The following DSCAML1 variants were observed in gnomAD, a reference collection of about 807,000 sequenced individuals.
DSCAML1 encodes the protein cell adhesion molecule DSCAML1.
DSCAML1 carries 38 observed loss-of-function variants against 200.5 expected under a neutral mutation model. That is an observed-to-expected ratio of 0.19 (90% CI 0.15 to 0.25). DSCAML1 has a LOEUF of 0.25. DSCAML1 is among the 10% of genes least tolerant of loss of function. The pLI, the probability that DSCAML1 is intolerant of heterozygous loss-of-function variation, is 1.00. For missense variants in DSCAML1, 2,223 were observed against 2,858.8 expected (o/e 0.78, Z 5.07); for synonymous variants, 1,215 against 1,165.0 (o/e 1.04, Z -0.87).
intron 3 of DSCAML1, among the ~76,000 whole-genome samples, chr11:117,576,351 G>A (rs1471019134): frequency 4.6e-5 from 7 of 152,158 alleles, no homozygotes; most frequent in African/African-American, 1.4e-4. Flanking sequence ...CACAGGGCAC[G>A]AGGACCAATC....
chr11:117,523,468 C>T (rs1026331910), intron 5 of DSCAML1, among the ~76,000 whole-genome samples: 7 of 152,178 alleles, frequency 4.6e-5, no homozygotes, highest in South Asian at 2.1e-4. Context: ...GGGCTTTCAG[C>T]GTTTTAACCT....
At chr11:117,796,268 G>A (rs1565290250) in intron 1 of DSCAML1, among the ~76,000 whole-genome samples, 1 of 152,220 alleles carries the variant, frequency 6.6e-6, no homozygotes, top group Non-Finnish European at 1.5e-5. Context: ...AGAGGGACAC[G>A]CCCCCCAGCC....
intron 3 of DSCAML1, among the ~76,000 whole-genome samples, chr11:117,717,577 C>T (rs1330737979): frequency 6.6e-6 from 1 of 152,196 alleles, no homozygotes; most frequent in East Asian, 1.9e-4. Flanking sequence ...CTGTACTGGG[C>T]GTGGGACAGG....
intron 1 of DSCAML1, among the ~76,000 whole-genome samples, chr11:117,796,342 G>A (rs1195072944): frequency 2.6e-5 from 4 of 152,350 alleles, no homozygotes; most frequent in African/African-American, 7.2e-5. Flanking sequence ...ATCTTGGGGC[G>A]CGCTGCCCGA....
intron 11 of DSCAML1, among the ~76,000 whole-genome samples, chr11:117,484,886 A>AGTGT (rs55850829): frequency 0.018 from 2,099 of 119,122 alleles, 20 homozygotes; most frequent in Non-Finnish European, 0.02. Context: ...GCAGAGGAAC[A>AGTGT]GTGTGTGTGT....
At chr11:117,757,426 G>A (rs140004383) in intron 3 of DSCAML1, among the ~76,000 whole-genome samples, 1 of 152,110 alleles carries the variant, frequency 6.6e-6, no homozygotes, top group East Asian at 1.9e-4. Flanking sequence ...ATATCCCAAA[G>A]ACCCTGCATT....
At chr11:117,607,581 CCA>C (rs925849891) in intron 3 of DSCAML1, among the ~76,000 whole-genome samples, 1 of 152,188 alleles carries the variant, frequency 6.6e-6, no homozygotes, top group African/African-American at 2.4e-5. Context: ...CACCCAGAGA[CCA>C]GTAGCCAGTC....
intron 3 of DSCAML1, among the ~76,000 whole-genome samples, chr11:117,724,862 A>C (rs1404682654): frequency 6.6e-6 from 1 of 152,160 alleles, no homozygotes; most frequent in African/African-American, 2.4e-5. Context: ...ACCATCATCC[A>C]CTACTCCACA....
At chr11:117,587,686 G>A (rs1370569366) in intron 3 of DSCAML1, among the ~76,000 whole-genome samples, 1 of 152,172 alleles carries the variant, frequency 6.6e-6, no homozygotes. Flanking sequence ...GTTACCCTCT[G>A]CGAGTGGAAA....
At chr11:117,714,011 G>A (rs1348845205) in intron 3 of DSCAML1, among the ~76,000 whole-genome samples, 1 of 152,352 alleles carries the variant, frequency 6.6e-6, no homozygotes, top group East Asian at 1.9e-4. Flanking sequence ...CCAAATACTG[G>A]CTTTGTGTGT....
chr11:117,817,218 T>C (rs907444354), intron 1 of DSCAML1, among the ~76,000 whole-genome samples: 6 of 152,180 alleles, frequency 3.9e-5, no homozygotes, highest in African/African-American at 1.4e-4. Context: ...TGCAACCCCA[T>C]TGCCCAAGGC....
chr11:117,471,749 CT>C lies in DSCAML1; in HGVS notation c.2953+119del. ...GTGGACACAAACATCTGTTAGGATG[CT>C]TTTCCCCACGCCACCCCCTTTAACT... On this transcript the variant is annotated intron_variant, in intron 15 of 32. Coordinates refer to ENST00000651296, the MANE Select transcript of DSCAML1 (RefSeq NM_020693.4). The C allele has an allele frequency of 5.4e-6, 6 of 1,119,724 alleles. No individual in the cohort carries two copies. The South Asian group carries it at 5.5e-5, about 10-fold the overall frequency. The allele number at this position is 1,119,724 out of a possible 1,614,324, so 69.4% of individuals were successfully genotyped here.
chr11:117,690,827 G>A (rs2053481190), intron 3 of DSCAML1, among the ~76,000 whole-genome samples: 1 of 152,240 alleles, frequency 6.6e-6, no homozygotes, highest in African/African-American at 2.4e-5. Flanking sequence ...ACCCTGGGAA[G>A]AAAGAGGGTG....
chr11:117,790,794 CA>C, intron 1 of DSCAML1, among the ~76,000 whole-genome samples: 1 of 152,236 alleles, frequency 6.6e-6, no homozygotes, highest in East Asian at 1.9e-4. Context: ...AACCATTAGG[CA>C]ACTTGCCCAG....
At chr11:117,589,579 TG>T in intron 3 of DSCAML1, among the ~76,000 whole-genome samples, 1 of 152,316 alleles carries the variant, frequency 6.6e-6, no homozygotes, top group South Asian at 2.1e-4. Flanking sequence ...AATATAATAA[TG>T]TTGATAATGA....
chr11:117,502,551 C>T (rs1344991351), intron 11 of DSCAML1, among the ~76,000 whole-genome samples: 4 of 152,150 alleles, frequency 2.6e-5, no homozygotes, highest in Non-Finnish European at 5.9e-5. Flanking sequence ...CCCTGAGCAT[C>T]GATCGCTGGG....
At chr11:117,745,229 G>GA (rs1018536789) in intron 3 of DSCAML1, among the ~76,000 whole-genome samples, 97 of 151,754 alleles carry the variant, frequency 6.4e-4, no homozygotes, top group Admixed American at 2.2e-3. Context: ...ACCTGGGGCG[G>GA]GGGTGGCTGC....
chr11:117,495,599 G>A (rs939264426), intron 11 of DSCAML1, among the ~76,000 whole-genome samples: 14 of 152,264 alleles, frequency 9.2e-5, no homozygotes, highest in South Asian at 4.1e-4. Flanking sequence ...GGCTTGCCTG[G>A]TCTAGCACAC....
chr11:117,460,675 G>C (rs1278505190), intron 18 of DSCAML1, among the ~76,000 whole-genome samples: 1 of 152,180 alleles, frequency 6.6e-6, no homozygotes, highest in African/African-American at 2.4e-5. Context: ...ACTCAAACCT[G>C]TTTGCACATT....
Sources: gnomAD v4.1 joint callset for allele counts (sites outside exome capture counted in the v4.1 genomes callset) on GRCh38, gnomAD v4.1.1 for gene constraint, MANE v1.5 for transcripts, NCBI Gene and HGNC (gene_info 2026-07-23, HGNC 2026-07-21) for gene names.